ARHGEF11: variants seen among roughly 807,000 people sequenced by gnomAD.
The protein encoded by ARHGEF11 is Rho guanine nucleotide exchange factor 11, also known as Rho guanine exchange factor (GEF) 11.
In ARHGEF11, 55 loss-of-function variants were observed where a neutral mutation model predicts 193.7. The observed-to-expected ratio is 0.28, with a 90% CI of 0.23 to 0.36. The LOEUF is 0.36. ARHGEF11 is among the 10% of genes least tolerant of loss of function. ARHGEF11 has a pLI of 1.00. For synonymous variants in ARHGEF11, 693 were observed against 768.0 expected (o/e 0.90, Z 1.62); for missense variants, 1,723 against 2,005.6 (o/e 0.86, Z 2.69).
intron 1 of ARHGEF11, 137 bp downstream of exon 1, chr1:157,044,162 G>C (rs2103128205): frequency 1.3e-6 from 1 of 788,862 alleles, no homozygotes; most frequent in African/African-American, 1.7e-5. Context: ...ACAGTCCCCA[G>C]AGACTAATGC....
chr1:157,045,821 C>T (rs907768258), upstream of ARHGEF11, among the ~76,000 whole-genome samples: 2 of 151,082 alleles, frequency 1.3e-5, no homozygotes, highest in African/African-American at 4.8e-5. Context: ...CAGGCCCGGC[C>T]GGCCGCCCCC....
intron 1 of ARHGEF11, among the ~76,000 whole-genome samples, chr1:157,004,101 A>G (rs948102580): frequency 1.3e-5 from 2 of 152,208 alleles, no homozygotes; most frequent in Admixed American, 6.5e-5. Flanking sequence ...TAAAAAGATT[A>G]AATCACTTGT....
At chr1:157,012,643 G>A (rs1399152568) in intron 1 of ARHGEF11, among the ~76,000 whole-genome samples, 1 of 152,132 alleles carries the variant, frequency 6.6e-6, no homozygotes, top group African/African-American at 2.4e-5. Flanking sequence ...CTCTGAATGG[G>A]TAACTGTTGC....
Position 157,044,814 on chromosome 1 carries a change from G to A in ARHGEF11, c.-484C>T, listed in dbSNP as rs1268118489. Reference sequence around the variant, plus strand: ...CTCAAAGGGGGAAAGTAATTTTCTAGTCTCCAATGCTTAATATGACAACAG... The same window carrying A: ...CTCAAAGGGGGAAAGTAATTTTCTAATCTCCAATGCTTAATATGACAACAG... On this transcript the variant is annotated 5_prime_UTR_variant, in exon 1 of 41. Transcript: ENST00000368194. 2 of 306,492 alleles carry A rather than the reference G, an allele frequency of 6.5e-6. No individual in the cohort carries two copies. The highest frequency in any genetic ancestry group is 4.3e-5 in the African/African-American group (2 of 46,516). The allele number at this position is 306,492 out of a possible 1,614,324, so 19.0% of individuals were successfully genotyped here.
chr1:157,007,957 T>C (rs1668049058), intron 1 of ARHGEF11, among the ~76,000 whole-genome samples: 1 of 3,668 alleles, frequency 2.7e-4, no homozygotes, highest in Admixed American at 7.7e-3. Context: ...ACAGCTCCAA[T>C]GTTTACAAAC....
chr1:156,956,328 C>G, intron 19 of ARHGEF11, 92 bp downstream of exon 19: 1 of 1,349,366 alleles, frequency 7.4e-7, no homozygotes, highest in Non-Finnish European at 1.0e-6. Flanking sequence ...GTTGCCCAGG[C>G]TGGTCTCGAA....
chr1:156,946,495 A>G (rs772092673), intron 28 of ARHGEF11, among the ~76,000 whole-genome samples, 167 bp downstream of exon 28: 1 of 152,200 alleles, frequency 6.6e-6, no homozygotes, highest in African/African-American at 2.4e-5. Flanking sequence ...TCCAACAAAC[A>G]GAAGTCTCTT....
intron 1 of ARHGEF11, among the ~76,000 whole-genome samples, chr1:157,001,408 C>T (rs921181960): frequency 6.6e-6 from 1 of 152,208 alleles, no homozygotes; most frequent in Non-Finnish European, 1.5e-5. Flanking sequence ...CTGCAGCTCT[C>T]GCCACAGTTT....
chr1:156,941,827 G>A (rs1571153717), intron 34 of ARHGEF11, 37 bp downstream of exon 34: 2 of 1,569,616 alleles, frequency 1.3e-6, no homozygotes, highest in East Asian at 2.2e-5. Flanking sequence ...GGTTTGGAGT[G>A]GAGAGAGTGC....
At position 156,936,054 on chromosome 1, in the gene ARHGEF11, A is replaced by G. The variant is rs756003624; in HGVS notation, c.4635T>C (p.Ser1545=). ...HELGPCPEDG[S]DAPLEDSTAD... ...CTGTGCTGTCTTCCAGGGGGGCGTC[A>G]GAGCCTGTGGGAGGAGGATGAAGGT... The change falls in exon 41 of 41, where the codon TCT becomes TCC. Residue 1545 remains serine, a synonymous_variant. Coordinates refer to ENST00000368194, the MANE Select transcript of ARHGEF11 (RefSeq NM_198236.3). 3.7e-6 allele frequency: 6 copies of G among 1,614,058 alleles called. No individual in the cohort carries two copies. In the South Asian group the frequency reaches 6.6e-5, roughly 18 times the overall value.
At position 156,939,485 on chromosome 1, in the gene ARHGEF11, G is replaced by A. The variant is rs1656306851; in HGVS notation, c.4096+63C>T. On this transcript the variant is annotated intron_variant, in intron 37 of 40. Coordinates refer to ENST00000368194, the MANE Select transcript of ARHGEF11 (RefSeq NM_198236.3). ...AGTATAGGGAAGGAAGCAGCTGTTC[G>A]GAAGACTTATCTCACCTAGCAAGGG... 47 of 1,597,742 alleles carry A rather than the reference G, an allele frequency of 2.9e-5. No homozygotes were observed. In the South Asian group the frequency reaches 3.5e-4, roughly 12 times the overall value.
intron 1 of ARHGEF11, among the ~76,000 whole-genome samples, chr1:157,035,928 T>C (rs1671925147): frequency 5.0e-5 from 5 of 99,192 alleles, no homozygotes; most frequent in Non-Finnish European, 1.1e-4. Flanking sequence ...TAGGAATATA[T>C]ATATATGAAT....
chr1:156,974,150 C>T (rs1662926980), intron 7 of ARHGEF11, among the ~76,000 whole-genome samples: 1 of 152,044 alleles, frequency 6.6e-6, no homozygotes, highest in Admixed American at 6.6e-5. Context: ...GCTTTGCAGC[C>T]TCAAACCCCT....
intron 1 of ARHGEF11, among the ~76,000 whole-genome samples, chr1:156,991,084 T>C (rs1665626812): frequency 6.6e-6 from 1 of 152,238 alleles, no homozygotes; most frequent in South Asian, 2.1e-4. Flanking sequence ...CCACATTTTG[T>C]CTTCCTTTTC....
intron 1 of ARHGEF11, among the ~76,000 whole-genome samples, chr1:157,022,970 A>G (rs1670177375): frequency 6.6e-6 from 1 of 152,184 alleles, no homozygotes; most frequent in African/African-American, 2.4e-5. Flanking sequence ...ACGAAGTTGG[A>G]CCCCTACCTC....
chr1:156,996,772 C>CAAAAAA (rs66730438), intron 1 of ARHGEF11, among the ~76,000 whole-genome samples: 39 of 38,626 alleles, frequency 1.0e-3, no homozygotes, highest in African/African-American at 2.7e-3. Context: ...GACTCTGTCT[C>CAAAAAA]AAAAAAAAAA....
At position 156,948,765 on chromosome 1, in the gene ARHGEF11, C is replaced by T; in HGVS notation, c.1926-267G>A. 2.1e-6 allele frequency: 3 copies of T among 1,406,236 alleles called. No individual in the cohort carries two copies. The highest frequency in any genetic ancestry group is 3.0e-5 in the East Asian group (1 of 32,890). The allele number at this position is 1,406,236 out of a possible 1,614,324, so 87.1% of individuals were successfully genotyped here. On this transcript the variant is annotated intron_variant, in intron 22 of 40. Transcript: ENST00000368194. The surrounding 1 kb of genome is among the most constrained non-coding windows in gnomAD (Gnocchi z 4.2). ...TGGAGCTATTAGGAAGGGATCCTAA[C>T]AGGAAGATGAAATCTGGGGCTAACA...
intron 13 of ARHGEF11, among the ~76,000 whole-genome samples, chr1:156,962,894 A>C (rs1401014839): frequency 6.6e-6 from 1 of 150,582 alleles, no homozygotes; most frequent in African/African-American, 2.4e-5. Context: ...AAAAAAAAAA[A>C]AAAAAAAAAA....
intron 1 of ARHGEF11, among the ~76,000 whole-genome samples, chr1:157,020,220 GA>G (rs1669809263): frequency 6.6e-6 from 1 of 152,070 alleles, no homozygotes; most frequent in African/African-American, 2.4e-5. Flanking sequence ...TGATTGTGGG[GA>G]TAGTGTCACA....
Sources: allele counts gnomAD v4.1 joint callset (sites outside exome capture counted in the v4.1 genomes callset), GRCh38; gene constraint gnomAD v4.1.1; non-coding constraint Gnocchi (gnomAD v3.1); transcripts MANE v1.5; gene names NCBI Gene and HGNC (gene_info 2026-07-23, HGNC 2026-07-21).